Variants in DMXL1 observed in about 807,000 individuals in gnomAD.
The protein encoded by DMXL1 is Dmx like 1.
Under a neutral mutation model 319.2 loss-of-function variants are expected in DMXL1, and 99 were observed. The ratio of observed to expected loss-of-function variants is 0.31; its 90% CI spans 0.26 to 0.37. The LOEUF is 0.37. Ranked by LOEUF, DMXL1 falls within the 10% of genes least tolerant of loss-of-function variation. The pLI, the probability that DMXL1 is intolerant of heterozygous loss-of-function variation, is 1.00. For synonymous variants in DMXL1, 1,385 were observed against 1,235.2 expected (o/e 1.12, Z -2.54); for missense variants, 3,745 against 3,595.6 (o/e 1.04, Z -1.06).
chr5:119,118,598 A>G (rs1432234630), intron 7 of DMXL1, among the ~76,000 whole-genome samples: 1 of 152,178 alleles, frequency 6.6e-6, no homozygotes, highest in Non-Finnish European at 1.5e-5. Context: ...AAAAAAAGAA[A>G]GAACGTTTGG....
intron 1 of DMXL1, among the ~76,000 whole-genome samples, chr5:119,075,098 A>G (rs1396957404): frequency 6.6e-6 from 1 of 152,208 alleles, no homozygotes; most frequent in Non-Finnish European, 1.5e-5. Context: ...AATAGAAAGT[A>G]CTTCATAAAT....
chr5:119,089,165 C>G (rs1754024397), intron 1 of DMXL1, among the ~76,000 whole-genome samples: 1 of 148,982 alleles, frequency 6.7e-6, no homozygotes, highest in Non-Finnish European at 1.5e-5. Context: ...AACATTTTGT[C>G]TTTTAGCATT....
chr5:119,108,474 A>G (rs1030134841), intron 4 of DMXL1, among the ~76,000 whole-genome samples: 2 of 152,050 alleles, frequency 1.3e-5, no homozygotes, highest in Non-Finnish European at 2.9e-5. Context: ...CCCAGGCTAG[A>G]CTGCAGTAGC....
chr5:119,165,554 A>T (rs1466762981), intron 21 of DMXL1, among the ~76,000 whole-genome samples: 4 of 152,252 alleles, frequency 2.6e-5, no homozygotes, highest in Non-Finnish European at 5.9e-5. Context: ...CTATAAAACA[A>T]AGGTAATGTA....
At chr5:119,123,866 A>G (rs1222284717) in intron 9 of DMXL1, among the ~76,000 whole-genome samples, 1 of 147,210 alleles carries the variant, frequency 6.8e-6, no homozygotes. Flanking sequence ...AGTTCATTCT[A>G]GCCTTTACAG....
At chr5:119,081,677 CTTTACCAA>C in intron 1 of DMXL1, 5 of 985,344 alleles carry the variant, frequency 5.1e-6, no homozygotes, top group Non-Finnish European at 6.0e-6. Context: ...CCAACTTAGA[CTTTACCAA>C]TTTTAACCAG....
chr5:119,168,623 T>C (rs1773913689), intron 23 of DMXL1, among the ~76,000 whole-genome samples: 1 of 152,210 alleles, frequency 6.6e-6, no homozygotes, highest in African/African-American at 2.4e-5. Context: ...TTAAGTCTCC[T>C]AGCCATTTAA....
intron 19 of DMXL1, 152 bp downstream of exon 19, chr5:119,152,188 C>A: frequency 1.7e-6 from 1 of 584,688 alleles, no homozygotes. Flanking sequence ...TTTATTTTGT[C>A]ATAATCTTTG....
intron 9 of DMXL1, among the ~76,000 whole-genome samples, chr5:119,126,019 G>A (rs1384380252): frequency 2.0e-5 from 3 of 152,126 alleles, no homozygotes; most frequent in South Asian, 2.1e-4. Context: ...GACTGGGTTC[G>A]ATGGCTCACA....
rs776250034 is a variant in DMXL1, at chr5:119,116,319, A to G, written c.726A>G (p.Thr242=). The change falls in exon 7 of 44, where the codon ACA becomes ACG. Residue 242 remains threonine, a synonymous_variant. Coordinates refer to ENST00000539542, the MANE Select transcript of DMXL1 (RefSeq NM_001290321.3). Reference sequence around the variant, plus strand: ...TAAATGGATTTTCCTGGCGTAAAACAAGCAAATATATGCCTAGGTCAGTGG... The same window carrying G: ...TAAATGGATTTTCCTGGCGTAAAACGAGCAAATATATGCCTAGGTCAGTGG... ...RAVNGFSWRK[T]SKYMPRASVC... is the part of the protein sequence containing the mutation. 4 of 1,613,982 alleles carry G rather than the reference A, an allele frequency of 2.5e-6. No homozygotes were observed. Among genetic ancestry groups the G allele is most frequent in the South Asian group, 1.1e-5 (1 of 91,054 alleles).
intron 21 of DMXL1, 76 bp from the exon 22 acceptor site, chr5:119,166,540 T>C: frequency 7.4e-7 from 1 of 1,352,204 alleles, no homozygotes; most frequent in Non-Finnish European, 1.0e-6. Flanking sequence ...TAGCCAAATC[T>C]TAACTTTAGA....
intron 9 of DMXL1, among the ~76,000 whole-genome samples, chr5:119,124,318 A>C: frequency 7.7e-6 from 1 of 130,442 alleles, no homozygotes; most frequent in East Asian, 2.1e-4. Context: ...ACTCCATCTC[A>C]AAAAAAAAAA....
chr5:119,166,742 A>C lies in DMXL1; in HGVS notation c.5097A>C (p.Ala1699=), dbSNP rs760972375. Reference sequence around the variant, plus strand: ...AACAAAGATTTGAACATTCTGCAGCATTTTTTCTTTTAGCTGGTTGCCTCA... The same window carrying C: ...AACAAAGATTTGAACATTCTGCAGCCTTTTTTCTTTTAGCTGGTTGCCTCA... ...LGKQRFEHSA[A]FFLLAGCLRD... The change falls in exon 22 of 44, where the codon GCA becomes GCC. Residue 1699 remains alanine, a synonymous_variant. Transcript: ENST00000539542. The C allele has an allele frequency of 1.7e-5, 28 of 1,612,356 alleles. No homozygotes were observed. The highest frequency in any genetic ancestry group is 2.7e-5 in the African/African-American group (2 of 74,838).
intron 4 of DMXL1, among the ~76,000 whole-genome samples, chr5:119,108,083 C>T (rs145822356): frequency 2.6e-5 from 4 of 152,190 alleles, no homozygotes; most frequent in East Asian, 3.9e-4. Flanking sequence ...AAAACGAGGG[C>T]GAAGCATGCT....
At chr5:119,077,901 G>T (rs1263188738) in intron 1 of DMXL1, among the ~76,000 whole-genome samples, 4 of 125,016 alleles carry the variant, frequency 3.2e-5, no homozygotes, top group African/African-American at 1.2e-4. Context: ...ACACACACAC[G>T]TATATATTTT....
At chr5:119,134,496 A>G in intron 13 of DMXL1, 107 bp downstream of exon 13, 2 of 965,626 alleles carry the variant, frequency 2.1e-6, no homozygotes, top group Non-Finnish European at 3.0e-6. Context: ...TGTAATAAGC[A>G]TTTGTATCTT....
At chr5:119,123,378 AGGGAGAGGAGGGAGAGGAGGG>A (rs1262454083) in intron 9 of DMXL1, among the ~76,000 whole-genome samples, 1,860 of 48,226 alleles carry the variant, frequency 0.039, 75 homozygotes, top group African/African-American at 0.049. Flanking sequence ...GGAGAGGGAG[AGGGAGAGGAGGGAGAGGAGGG>A]GGAGGGAGAG....
chr5:119,206,742 G>T, intron 33 of DMXL1, 92 bp from the exon 34 acceptor site: 3 of 731,016 alleles, frequency 4.1e-6, no homozygotes, highest in Middle Eastern at 3.7e-4. Flanking sequence ...AGTAAATTTG[G>T]TTTAAAATAT....
rs141525101 is a variant in DMXL1, at chr5:119,071,607, C to T, written c.38C>T (p.Pro13Leu). Residue 13 changes from proline (P) to leucine (L), a missense_variant, in exon 1 of 44, where the codon CCT (proline) becomes CTT (leucine). Physicochemically the swap from Pro to Leu is moderately conservative, Grantham distance 98. Coordinates refer to ENST00000539542, the MANE Select transcript of DMXL1 (RefSeq NM_001290321.3). ...CAGGTGCTGACCGGGGCTGTGAACC[C>T]TGGCGACCACTGCTTCTCCGTGGGC... ...LHQVLTGAVN[P>L]GDHCFSVGSI... The T allele has an allele frequency of 3.7e-6, 6 of 1,604,948 alleles. No individual in the cohort carries two copies. The highest frequency in any genetic ancestry group is 1.7e-4 in the Middle Eastern group (1 of 5,990).
Sources: gnomAD v4.1 joint callset for allele counts (sites outside exome capture counted in the v4.1 genomes callset) on GRCh38, gnomAD v4.1.1 for gene constraint, MANE v1.5 for transcripts, NCBI Gene and HGNC (gene_info 2026-07-23, HGNC 2026-07-21) for gene names.